The following PHTF2 variants were observed in gnomAD, a reference collection of about 807,000 sequenced individuals.
PHTF2 encodes protein PHTF2.
Under a neutral mutation model 101.2 loss-of-function variants are expected in PHTF2, and 60 were observed. That is an observed-to-expected ratio of 0.59 (90% CI 0.48 to 0.73). The LOEUF is 0.73. Ranked by LOEUF, PHTF2 falls within the 30% of genes least tolerant of loss-of-function variation. The pLI, the probability that PHTF2 is intolerant of heterozygous loss-of-function variation, is 0.00. For synonymous variants in PHTF2, 311 were observed against 307.3 expected, an observed-to-expected ratio of 1.01 and a Z score of -0.13; for missense variants, 747 against 908.7, an observed-to-expected ratio of 0.82 and a Z score of 2.29.
intron 3 of PHTF2, among the ~76,000 whole-genome samples, chr7:77,860,844 G>T (rs1320319155): frequency 6.6e-6 from 1 of 151,854 alleles, no homozygotes; most frequent in Non-Finnish European, 1.5e-5. Context: ...CCCATATAGG[G>T]ACGTGCCATC....
intron 1 of PHTF2, among the ~76,000 whole-genome samples, 195 bp downstream of exon 1, chr7:77,799,166 C>T (rs895712138): frequency 2.0e-5 from 3 of 152,206 alleles, no homozygotes; most frequent in South Asian, 2.1e-4. Context: ...CCGGGGTCAG[C>T]CGCGACCCCT....
chr7:77,817,902 G>A (rs991995528), intron 1 of PHTF2, among the ~76,000 whole-genome samples: 2 of 151,952 alleles, frequency 1.3e-5, no homozygotes, highest in African/African-American at 4.8e-5. Context: ...GAAGTCAGCA[G>A]GTCGAGACCA....
At chr7:77,912,610 G>A (rs1802498809) in intron 9 of PHTF2, among the ~76,000 whole-genome samples, 1 of 150,726 alleles carries the variant, frequency 6.6e-6, no homozygotes, top group South Asian at 2.1e-4. Context: ...TTTGTGTATG[G>A]TATGTTGATG....
At chr7:77,862,969 G>C (rs1397831633) in intron 3 of PHTF2, among the ~76,000 whole-genome samples, 2 of 152,158 alleles carry the variant, frequency 1.3e-5, no homozygotes, top group African/African-American at 4.8e-5. Flanking sequence ...AAGCTAAATT[G>C]CTCTTTGCCT....
At chr7:77,877,513 A>G (rs7789816) in intron 3 of PHTF2, among the ~76,000 whole-genome samples, 163 of 152,366 alleles carry the variant, frequency 1.1e-3, no homozygotes, top group African/African-American at 3.7e-3. Flanking sequence ...GACTTTTTGG[A>G]AAAGGTTATT....
At chr7:77,838,594 T>TTA (rs997042279) in intron 1 of PHTF2, among the ~76,000 whole-genome samples, 3 of 152,144 alleles carry the variant, frequency 2.0e-5, no homozygotes, top group Non-Finnish European at 4.4e-5. Flanking sequence ...GGCAGGCATC[T>TTA]TATATATATT....
intron 5 of PHTF2, chr7:77,895,259 T>A: frequency 2.6e-6 from 1 of 388,504 alleles, no homozygotes; most frequent in Non-Finnish European, 5.0e-6. Flanking sequence ...GCTATAGGAA[T>A]GAGTAGATTT....
At chr7:77,908,926 A>G (rs1305022891) in exon 8 of PHTF2, 1 of 1,612,554 alleles carries the variant, frequency 6.2e-7, no homozygotes, top group Non-Finnish European at 8.5e-7. Context: ...GAACACCCAA[A>G]CCTCCTCTAA....
At chr7:77,842,959 A>G (rs1306415852) in intron 2 of PHTF2, among the ~76,000 whole-genome samples, 2 of 152,244 alleles carry the variant, frequency 1.3e-5, no homozygotes, top group African/African-American at 2.4e-5. Flanking sequence ...GCAAGGGTCT[A>G]GATTTGACCT....
intron 11 of PHTF2, among the ~76,000 whole-genome samples, chr7:77,925,320 A>G (rs1015090266): frequency 6.6e-6 from 1 of 152,140 alleles, no homozygotes; most frequent in Admixed American, 6.5e-5. Context: ...AAGATTTGAC[A>G]TGACTAGCAG....
rs574757195 is a variant in PHTF2, at chr7:77,921,290, TAGAG to T, written c.963+829_963+832del. Among the ~76,000 whole-genome samples, 11 of 152,364 alleles carry T rather than the reference TAGAG, an allele frequency of 7.2e-5. No homozygotes were observed. In the South Asian group the frequency reaches 2.1e-3, roughly 29 times the overall value. On this transcript the variant is annotated intron_variant, in intron 10 of 19. Transcript: ENST00000416283. ...CAATTATTTCTTTACTTTTCCAAAA[TAGAG>T]AGACTCTGGTTTTATTGTAACAAAG...
chr7:77,850,641 CAA>C (rs545263519), intron 2 of PHTF2, among the ~76,000 whole-genome samples: 11 of 52,744 alleles, frequency 2.1e-4, no homozygotes, highest in East Asian at 5.9e-4. Context: ...GACCCTGTCT[CAA>C]AAAAAAAAAA....
chr7:77,939,147 C>T (rs1048878464), intron 13 of PHTF2, among the ~76,000 whole-genome samples: 2 of 152,144 alleles, frequency 1.3e-5, no homozygotes, highest in East Asian at 3.8e-4. Context: ...GCCAGTCTAG[C>T]ATACTGGAAG....
intron 16 of PHTF2, among the ~76,000 whole-genome samples, chr7:77,944,785 A>ACT (rs1805909155): frequency 6.6e-6 from 1 of 152,270 alleles, no homozygotes; most frequent in Non-Finnish European, 1.5e-5. Context: ...AAAAAAGAAC[A>ACT]GATAAGTTTG....
At chr7:77,895,945 T>C (rs1252723839) in intron 5 of PHTF2, 2 of 152,166 alleles carry the variant, frequency 1.3e-5, no homozygotes, top group Admixed American at 1.3e-4. Context: ...ATGAAGTCCT[T>C]GTTTCACTCT....
At chr7:77,808,465 A>G (rs1255103938) in intron 1 of PHTF2, among the ~76,000 whole-genome samples, 2 of 152,156 alleles carry the variant, frequency 1.3e-5, no homozygotes, top group Non-Finnish European at 2.9e-5. Context: ...GTTTATTTAT[A>G]TGCCTGCTAA....
At chr7:77,942,676 C>T (rs764791061) in intron 15 of PHTF2, 24 bp from the exon 15 acceptor site, 36 of 1,378,322 alleles carry the variant, frequency 2.6e-5, no homozygotes, top group Non-Finnish European at 1.9e-5. Context: ...GTTTCCTTTT[C>T]TCCCTTCCAC....
At chr7:77,918,204 AC>A (rs544634522) in intron 9 of PHTF2, among the ~76,000 whole-genome samples, 2 of 151,914 alleles carry the variant, frequency 1.3e-5, no homozygotes, top group African/African-American at 2.4e-5. Context: ...GCCTACCCTC[AC>A]CCCCCTACCA....
intron 3 of PHTF2, among the ~76,000 whole-genome samples, chr7:77,890,665 G>A (rs1800314521): frequency 6.9e-6 from 1 of 145,674 alleles, no homozygotes; most frequent in Non-Finnish European, 1.5e-5. Flanking sequence ...GAGTGCAGTG[G>A]CGCAATCTCG....
Sources: allele counts gnomAD v4.1 joint callset (sites outside exome capture counted in the v4.1 genomes callset), GRCh38; gene constraint gnomAD v4.1.1; transcripts MANE v1.5; gene names NCBI Gene and HGNC (gene_info 2026-07-23, HGNC 2026-07-21).